The following NR6A1 variants were observed in gnomAD, a reference collection of about 807,000 sequenced individuals.
NR6A1 encodes retinoic acid receptor-related testis-associated receptor.
A neutral mutation model predicts 59.1 loss-of-function variants in NR6A1; 7 were observed. That is an observed-to-expected ratio of 0.12 (90% confidence interval 0.07 to 0.22). The LOEUF is 0.22. NR6A1 is among the 10% of genes least tolerant of loss of function. NR6A1 has a pLI of 1.00. For missense variants in NR6A1, 468 were observed against 611.6 expected (o/e 0.77, Z 2.48); for synonymous variants, 243 against 236.1 (o/e 1.03, Z -0.27).
At chr9:124,682,294 G>A (rs573320764) in intron 2 of NR6A1, among the ~76,000 whole-genome samples, 13 of 152,160 alleles carry the variant, frequency 8.5e-5, no homozygotes, top group Admixed American at 3.3e-4. Context: ...CAGCCATCGC[G>A]CCTGGCCGCA....
At chr9:124,612,817 CT>C (rs1384025603) in intron 2 of NR6A1, among the ~76,000 whole-genome samples, 4 of 138,358 alleles carry the variant, frequency 2.9e-5, no homozygotes, top group South Asian at 2.3e-4. Flanking sequence ...TTCTTTCTTT[CT>C]TTTCTTTCTT....
intron 1 of NR6A1, among the ~76,000 whole-genome samples, chr9:124,769,585 C>CG (rs1841048941): frequency 6.6e-6 from 1 of 152,194 alleles, no homozygotes; most frequent in Non-Finnish European, 1.5e-5. Context: ...CTAACTGTCC[C>CG]GGGTGTTTGC....
chr9:124,559,300 A>G (rs1386293770), intron 2 of NR6A1, among the ~76,000 whole-genome samples: 2 of 152,226 alleles, frequency 1.3e-5, no homozygotes, highest in African/African-American at 2.4e-5. Flanking sequence ...TAGTGACTCA[A>G]TAAGGTACTT....
chr9:124,753,008 C>T (rs1002138290), intron 1 of NR6A1, among the ~76,000 whole-genome samples: 2 of 152,112 alleles, frequency 1.3e-5, no homozygotes, highest in African/African-American at 4.8e-5. Flanking sequence ...GGTTCAACTT[C>T]GAACAAATTT....
chr9:124,624,089 C>G (rs1349276397), intron 2 of NR6A1, among the ~76,000 whole-genome samples: 1 of 152,246 alleles, frequency 6.6e-6, no homozygotes, highest in East Asian at 1.9e-4. Context: ...GAATATGAAC[C>G]CAGGAATGTC....
At chr9:124,658,128 G>A (rs189187899) in intron 2 of NR6A1, among the ~76,000 whole-genome samples, 1 of 152,300 alleles carries the variant, frequency 6.6e-6, no homozygotes, top group South Asian at 2.1e-4. Flanking sequence ...AGAAAGACTA[G>A]TATTTCTTCT....
At chr9:124,641,073 C>T (rs1034602665) in intron 2 of NR6A1, among the ~76,000 whole-genome samples, 9 of 152,074 alleles carry the variant, frequency 5.9e-5, no homozygotes, top group Admixed American at 1.3e-4. Flanking sequence ...ACAAAGTCGC[C>T]GGGTGCAGTG....
chr9:124,625,848 T>C (rs1836225814), intron 2 of NR6A1, among the ~76,000 whole-genome samples: 1 of 152,122 alleles, frequency 6.6e-6, no homozygotes, highest in Admixed American at 6.5e-5. Flanking sequence ...AAGACCAGCC[T>C]CCCTCCTACA....
intron 3 of NR6A1, among the ~76,000 whole-genome samples, chr9:124,546,353 C>G (rs1439162433): frequency 1.3e-5 from 2 of 152,176 alleles, no homozygotes; most frequent in African/African-American, 2.4e-5. Context: ...GACTGTAAGA[C>G]CAGACTTCTT....
chr9:124,633,402 C>CAAAAAAAA (rs11337023), intron 2 of NR6A1, among the ~76,000 whole-genome samples: 1 of 72,762 alleles, frequency 1.4e-5, no homozygotes, highest in African/African-American at 5.3e-5. Flanking sequence ...AACTCCGTCT[C>CAAAAAAAA]AAAAAAAAAA....
chr9:124,556,460 A>AT (rs111855786), intron 2 of NR6A1, among the ~76,000 whole-genome samples: 9,990 of 138,128 alleles, frequency 0.072, 429 homozygotes, highest in Non-Finnish European at 0.1. Context: ...AGGGATACTG[A>AT]TTTTTTTTTT....
chr9:124,579,980 A>AAG (rs1308393945), intron 2 of NR6A1, among the ~76,000 whole-genome samples: 1 of 152,242 alleles, frequency 6.6e-6, no homozygotes, highest in African/African-American at 2.4e-5. Context: ...ATTGCACTCC[A>AAG]GCCTGGACAA....
chr9:124,682,080 C>T (rs2130995934), intron 2 of NR6A1, among the ~76,000 whole-genome samples: 1 of 152,216 alleles, frequency 6.6e-6, no homozygotes, highest in South Asian at 2.1e-4. Flanking sequence ...CTGCAACCTC[C>T]ACCTCCTTGG....
chr9:124,530,270 G>A (rs537789577), intron 7 of NR6A1, among the ~76,000 whole-genome samples: 5 of 152,148 alleles, frequency 3.3e-5, no homozygotes, highest in Non-Finnish European at 7.4e-5. Flanking sequence ...ACCCCCAGCA[G>A]TGATGGGGGC....
intron 2 of NR6A1, among the ~76,000 whole-genome samples, chr9:124,613,577 C>T (rs1835813514): frequency 6.6e-6 from 1 of 152,192 alleles, no homozygotes; most frequent in Non-Finnish European, 1.5e-5. Context: ...GGGAGGATCG[C>T]TTGAGCCTGG....
intron 2 of NR6A1, among the ~76,000 whole-genome samples, chr9:124,584,921 A>G (rs555875694): frequency 6.6e-6 from 1 of 152,376 alleles, no homozygotes; most frequent in Non-Finnish European, 1.5e-5. Flanking sequence ...CCAAAGAGCC[A>G]AGCTGTGAAT....
At chr9:124,566,645 G>A (rs953515724) in intron 2 of NR6A1, among the ~76,000 whole-genome samples, 11 of 152,298 alleles carry the variant, frequency 7.2e-5, no homozygotes, top group Middle Eastern at 3.4e-3. Context: ...GCCTAGAAAG[G>A]GCTTGCTGAC....
intron 1 of NR6A1, chr9:124,770,225 G>A (rs1301438326): frequency 1.3e-5 from 2 of 152,522 alleles, no homozygotes; most frequent in African/African-American, 4.8e-5. Context: ...TGGAGCCCTC[G>A]GCCAGGGAAA....
chr9:124,651,862 C>T (rs1279558334), intron 2 of NR6A1, among the ~76,000 whole-genome samples: 1 of 152,186 alleles, frequency 6.6e-6, no homozygotes, highest in Non-Finnish European at 1.5e-5. Flanking sequence ...ATCCTACCCA[C>T]ACAATTTGAT....
Sources: gnomAD v4.1 joint callset for allele counts (sites outside exome capture counted in the v4.1 genomes callset) on GRCh38, gnomAD v4.1.1 for gene constraint, MANE v1.5 for transcripts, NCBI Gene and HGNC (gene_info 2026-07-23, HGNC 2026-07-21) for gene names.